NUF2: variants seen among roughly 807,000 people sequenced by gnomAD.
NUF2 encodes kinetochore protein Nuf2.
NUF2 carries 34 observed loss-of-function variants against 61.8 expected under a neutral mutation model. That is an observed-to-expected ratio of 0.55 (90% CI 0.42 to 0.73). NUF2 has a LOEUF of 0.73. NUF2 is among the 30% of genes least tolerant of loss of function. The pLI is 0.00. For synonymous variants in NUF2, 172 were observed against 181.6 expected (o/e 0.95, Z 0.42); for missense variants, 445 against 539.1 (o/e 0.83, Z 1.73).
At chr1:163,331,446 A>G (rs1199899319) in intron 5 of NUF2, among the ~76,000 whole-genome samples, 1 of 151,832 alleles carries the variant, frequency 6.6e-6, no homozygotes, top group Non-Finnish European at 1.5e-5. Flanking sequence ...CATGATGGAT[A>G]TTGTTCTGTA....
At chr1:163,343,443 A>G (rs1651014211) in intron 9 of NUF2, among the ~76,000 whole-genome samples, 1 of 152,162 alleles carries the variant, frequency 6.6e-6, no homozygotes, top group South Asian at 2.1e-4. Context: ...TCTAAACATA[A>G]GATCAGAATT....
At chr1:163,346,998 CA>C (rs1236435075) in intron 11 of NUF2, among the ~76,000 whole-genome samples, 1 of 152,100 alleles carries the variant, frequency 6.6e-6, no homozygotes, top group East Asian at 1.9e-4. Flanking sequence ...CACAGTTGAC[CA>C]GGGGTAACTG....
chr1:163,328,901 T>C lies in NUF2; in HGVS notation c.331T>C (p.Cys111Arg). 1.9e-6 allele frequency: 3 copies of C among 1,592,614 alleles called. No homozygotes were observed. Among genetic ancestry groups the C allele is most frequent in the Non-Finnish European group, 2.6e-6 (3 of 1,161,678 alleles). Residue 111 changes from cysteine to arginine, a missense_variant, in exon 5 of 14, where the codon TGT becomes CGT. Physicochemically the swap from Cys to Arg is radical, Grantham distance 180. Transcript: ENST00000271452. ...TGACTTTGAGACTGCTGATATTCTATGTCCAAGTAAGTGAGAATTTAAAAC... is the reference window on the plus strand; with the variant it reads ...TGACTTTGAGACTGCTGATATTCTACGTCCAAGTAAGTGAGAATTTAAAAC... ...VNDFETADIL[C>R]PKAKRTSRFL...
intron 13 of NUF2, among the ~76,000 whole-genome samples, chr1:163,351,792 C>T (rs1313141491): frequency 2.0e-5 from 3 of 152,114 alleles, no homozygotes; most frequent in Non-Finnish European, 4.4e-5. Flanking sequence ...AATCATCCTT[C>T]ATGAAAAGAA....
chr1:163,334,351 A>G (rs1208202950), intron 5 of NUF2, among the ~76,000 whole-genome samples: 2 of 152,244 alleles, frequency 1.3e-5, no homozygotes, highest in Non-Finnish European at 2.9e-5. Context: ...AATGTCTTCT[A>G]TATTAACTCA....
chr1:163,330,375 T>G (rs146937141), intron 5 of NUF2, among the ~76,000 whole-genome samples: 64 of 152,318 alleles, frequency 4.2e-4, no homozygotes, highest in East Asian at 1.3e-3. Flanking sequence ...TATTAAAAAT[T>G]AATTGACTGT....
At chr1:163,355,303 A>C in intron 13 of NUF2, 32 bp from the exon 14 acceptor site, 2 of 1,521,128 alleles carry the variant, frequency 1.3e-6, no homozygotes, top group Non-Finnish European at 1.8e-6. Context: ...GTTGCATGGA[A>C]TAATTATTAT....
At chr1:163,336,730 G>A in intron 5 of NUF2, 21 bp from the exon 6 acceptor site, 1 of 1,462,408 alleles carries the variant, frequency 6.8e-7, no homozygotes, top group Non-Finnish European at 9.6e-7. Context: ...TTTATTTAAA[G>A]AGTCTTGCTT....
intron 5 of NUF2, among the ~76,000 whole-genome samples, chr1:163,331,093 A>G (rs1439888989): frequency 6.7e-6 from 1 of 150,062 alleles, no homozygotes; most frequent in Non-Finnish European, 1.5e-5. Flanking sequence ...TGAAATGATG[A>G]GAGCAGTCAT....
Position 163,349,099 on chromosome 1 carries a change from GA to G in NUF2, c.1260+21del, listed in dbSNP as rs1416920404. 4 of 1,581,826 alleles carry G rather than the reference GA, an allele frequency of 2.5e-6. No homozygotes were observed. The highest frequency in any genetic ancestry group is 3.4e-6 in the Non-Finnish European group (4 of 1,170,596). ...GTCCCAGGTGAATATGTGTTCATAA[GA>G]AGTTAATTTCAAATAATCTCTCATG... On this transcript the variant is annotated intron_variant, in intron 13 of 13. Transcript: ENST00000271452.
intron 6 of NUF2, among the ~76,000 whole-genome samples, chr1:163,337,672 C>T (rs1215395447): frequency 6.6e-6 from 1 of 151,976 alleles, no homozygotes; most frequent in East Asian, 1.9e-4. Context: ...CAGCCATTAC[C>T]CAAGTTGGGT....
chr1:163,337,008 C>T (rs1650781390), intron 6 of NUF2, among the ~76,000 whole-genome samples, 160 bp downstream of exon 6: 1 of 152,046 alleles, frequency 6.6e-6, no homozygotes, highest in Admixed American at 6.6e-5. Context: ...ATTTTAGTTA[C>T]TGGATAGCAT....
At chr1:163,328,399 C>A in intron 4 of NUF2, 95 bp downstream of exon 4, 2 of 702,572 alleles carry the variant, frequency 2.8e-6, no homozygotes, top group Admixed American at 2.8e-5. Context: ...TAAGGAATAC[C>A]TACTATGTTC....
intron 9 of NUF2, among the ~76,000 whole-genome samples, chr1:163,343,219 T>G (rs1369222227): frequency 6.6e-6 from 1 of 152,162 alleles, no homozygotes; most frequent in African/African-American, 2.4e-5. Context: ...CCAGGATACA[T>G]TTTCACAACT....
chr1:163,324,900 C>CTTT (rs67548511), intron 1 of NUF2, among the ~76,000 whole-genome samples: 1 of 122,970 alleles, frequency 8.1e-6, no homozygotes, highest in African/African-American at 3.0e-5. Flanking sequence ...TCTTTTCTTT[C>CTTT]TTTTTTTTTT....
intron 6 of NUF2, among the ~76,000 whole-genome samples, 199 bp from the exon 7 acceptor site, chr1:163,337,821 A>G (rs1233444915): frequency 6.6e-6 from 1 of 152,108 alleles, no homozygotes; most frequent in Non-Finnish European, 1.5e-5. Context: ...GAGAATTCTC[A>G]GTACCGAGCT....
chr1:163,334,014 G>A (rs1650677771), intron 5 of NUF2, among the ~76,000 whole-genome samples: 3 of 152,016 alleles, frequency 2.0e-5, no homozygotes, highest in Admixed American at 2.0e-4. Context: ...GTTCTACTTT[G>A]TATGTCCATG....
intron 3 of NUF2, chr1:163,328,013 C>T (rs2101667258): frequency 2.3e-6 from 1 of 437,190 alleles, no homozygotes; most frequent in Non-Finnish European, 4.0e-6. Context: ...AAATGCTAAC[C>T]TTATTCCATT....
intron 13 of NUF2, among the ~76,000 whole-genome samples, chr1:163,352,809 C>A (rs192094062): frequency 2.5e-3 from 376 of 151,854 alleles, no homozygotes; most frequent in African/African-American, 8.8e-3. Context: ...GAGCTTGCAG[C>A]GAGCTGAGAT....
Sources: gnomAD v4.1 joint callset for allele counts (sites outside exome capture counted in the v4.1 genomes callset) on GRCh38, gnomAD v4.1.1 for gene constraint, MANE v1.5 for transcripts, NCBI Gene and HGNC (gene_info 2026-07-23, HGNC 2026-07-21) for gene names.